Variants in GBE1 observed in about 807,000 individuals in gnomAD.
The protein encoded by GBE1 is 1,4-alpha-glucan branching enzyme 1.
Under a neutral mutation model 88.8 loss-of-function variants are expected in GBE1, and 70 were observed. The observed-to-expected ratio is 0.79, with a 90% CI of 0.65 to 0.96. The LOEUF is 0.96. GBE1 is among the 40% of genes least tolerant of loss of function. GBE1 has a pLI of 0.00. For synonymous variants in GBE1, 284 were observed against 300.1 expected (o/e 0.95, Z 0.56); for missense variants, 872 against 871.0 (o/e 1.00, Z -0.01).
At position 81,733,964 on chromosome 3, in the gene GBE1, T is replaced by C. The variant is rs1441529385; in HGVS notation, c.143+27411A>G. Among the ~76,000 whole-genome samples the C allele has an allele frequency of 1.1e-4, 17 of 152,326 alleles. No homozygotes were observed. In the East Asian group the frequency reaches 2.3e-3, roughly 21 times the overall value. On this transcript the variant is annotated intron_variant, in intron 1 of 15. Coordinates refer to ENST00000429644, the MANE Select transcript of GBE1 (RefSeq NM_000158.4). The surrounding 1 kb of genome is among the most constrained non-coding windows in gnomAD (Gnocchi z 4.0). ...TGTACAAATTTGCCTTTCCTATCTA[T>C]ATAAGTACTTATTTTCTGAAGCCAT... is the stretch of plus-strand genomic sequence containing the variant.
intron 1 of GBE1, among the ~76,000 whole-genome samples, chr3:81,725,368 T>G (rs1431440094): frequency 2.0e-5 from 3 of 152,178 alleles, no homozygotes. Flanking sequence ...GTCAGGATTA[T>G]CAATATCACT....
chr3:81,686,707 A>C (rs1015285750), intron 2 of GBE1, among the ~76,000 whole-genome samples: 8 of 152,176 alleles, frequency 5.3e-5, no homozygotes, highest in Non-Finnish European at 7.3e-5. Flanking sequence ...GTGAGCTGAG[A>C]TCACACCATT....
chr3:81,546,887 C>CA (rs1377438830), intron 12 of GBE1, among the ~76,000 whole-genome samples: 1 of 151,110 alleles, frequency 6.6e-6, no homozygotes, highest in Non-Finnish European at 1.5e-5. Flanking sequence ...GCCTGAGATC[C>CA]AAAAACCCTC....
intron 15 of GBE1, among the ~76,000 whole-genome samples, chr3:81,491,078 C>T (rs376747179): frequency 1.3e-5 from 2 of 152,092 alleles, no homozygotes; most frequent in African/African-American, 2.4e-5. Context: ...ACACTCCAGC[C>T]GCAGGAGCCT....
chr3:81,735,692 A>C (rs1489111282), intron 1 of GBE1, among the ~76,000 whole-genome samples: 1 of 152,172 alleles, frequency 6.6e-6, no homozygotes, highest in Non-Finnish European at 1.5e-5. Flanking sequence ...AGTAAACAGC[A>C]AGTCCCTTTA....
intron 1 of GBE1, among the ~76,000 whole-genome samples, chr3:81,754,037 C>T (rs1352854541): frequency 6.6e-6 from 1 of 152,122 alleles, no homozygotes; most frequent in East Asian, 1.9e-4. Flanking sequence ...TTGCAGACAA[C>T]ATGATTATAT....
intron 3 of GBE1, among the ~76,000 whole-genome samples, chr3:81,662,191 C>G (rs1403702577): frequency 6.6e-6 from 1 of 152,084 alleles, no homozygotes; most frequent in Non-Finnish European, 1.5e-5. Flanking sequence ...CCCCACCACA[C>G]CCGGCTAATT....
chr3:81,750,780 A>C (rs1706519109), intron 1 of GBE1, among the ~76,000 whole-genome samples: 1 of 145,632 alleles, frequency 6.9e-6, no homozygotes, highest in African/African-American at 2.6e-5. Context: ...TCCCCGGTCC[A>C]AGCGATTCTT....
intron 1 of GBE1, among the ~76,000 whole-genome samples, chr3:81,744,036 A>G (rs1470764566): frequency 6.6e-6 from 1 of 152,130 alleles, no homozygotes; most frequent in Non-Finnish European, 1.5e-5. Flanking sequence ...TCTGTTATGA[A>G]CACAGGGCTG....
chr3:81,652,179 C>T (rs985479121), intron 3 of GBE1, among the ~76,000 whole-genome samples: 16 of 152,184 alleles, frequency 1.1e-4, no homozygotes, highest in Non-Finnish European at 2.1e-4. Context: ...ATGATGTGAA[C>T]CCAACGTGTG....
At chr3:81,761,346 A>G (rs759128485) in intron 1 of GBE1, 29 bp downstream of exon 1, 18 of 1,593,258 alleles carry the variant, frequency 1.1e-5, no homozygotes, top group Non-Finnish European at 1.5e-5. Flanking sequence ...CTGCCTGTCT[A>G]AGTGGGGGTG....
chr3:81,537,624 T>A (rs1703094921), intron 12 of GBE1, among the ~76,000 whole-genome samples: 1 of 152,052 alleles, frequency 6.6e-6, no homozygotes, highest in Non-Finnish European at 1.5e-5. Flanking sequence ...ACCATTAAAA[T>A]TGAGTTCCTC....
At chr3:81,612,568 TA>T in intron 7 of GBE1, 1 of 734,040 alleles carries the variant, frequency 1.4e-6, no homozygotes, top group Non-Finnish European at 2.4e-6. Context: ...GAAATGTTGT[TA>T]CCCCCAAATT....
At chr3:81,593,373 T>C (rs542991517) in intron 8 of GBE1, among the ~76,000 whole-genome samples, 2 of 146,804 alleles carry the variant, frequency 1.4e-5, no homozygotes, top group African/African-American at 5.0e-5. Flanking sequence ...TCAAGAACAA[T>C]AATAATAATA....
intron 8 of GBE1, among the ~76,000 whole-genome samples, chr3:81,592,560 C>G (rs955028086): frequency 6.6e-6 from 1 of 152,040 alleles, no homozygotes; most frequent in Non-Finnish European, 1.5e-5. Flanking sequence ...TTCTGCTGTG[C>G]GGTTTCAGGG....
intron 1 of GBE1, among the ~76,000 whole-genome samples, chr3:81,724,397 T>C (rs975500721): frequency 3.0e-4 from 45 of 152,328 alleles, no homozygotes; most frequent in Middle Eastern, 3.4e-3. Context: ...GTTCACTAAT[T>C]ATTTCCCACA....
intron 12 of GBE1, among the ~76,000 whole-genome samples, chr3:81,551,191 T>G (rs1703268231): frequency 6.6e-6 from 1 of 152,232 alleles, no homozygotes; most frequent in Admixed American, 6.5e-5. Flanking sequence ...TAGAACTACT[T>G]AAGTGTATCT....
chr3:81,502,239 T>A (rs1702596504), intron 14 of GBE1, among the ~76,000 whole-genome samples: 1 of 152,064 alleles, frequency 6.6e-6, no homozygotes, highest in African/African-American at 2.4e-5. Flanking sequence ...CAAAGGACAG[T>A]AAAAGAACAA....
At chr3:81,743,741 GTTGT>G (rs1188335403) in intron 1 of GBE1, 4 of 652,920 alleles carry the variant, frequency 6.1e-6, no homozygotes, top group African/African-American at 1.9e-5. Flanking sequence ...TTTGTTTTGT[GTTGT>G]TTGTGTTTTT....
Sources: gnomAD v4.1 joint callset for allele counts (sites outside exome capture counted in the v4.1 genomes callset) on GRCh38, gnomAD v4.1.1 for gene constraint, Gnocchi (gnomAD v3.1) non-coding constraint, MANE v1.5 for transcripts, NCBI Gene and HGNC (gene_info 2026-07-23, HGNC 2026-07-21) for gene names.